Variants in ZMYND8 observed in about 807,000 individuals in gnomAD.
ZMYND8 encodes the protein MYND-type zinc finger-containing chromatin reader ZMYND8.
ZMYND8 carries 37 observed loss-of-function variants against 140.8 expected under a neutral mutation model. The observed-to-expected ratio is 0.26, with a 90% CI of 0.20 to 0.35. ZMYND8 has a LOEUF of 0.35. ZMYND8 is among the 10% of genes least tolerant of loss of function. The probability of loss-of-function intolerance (pLI) is 1.00; values close to 1 mark genes in which losing one functional copy is unlikely to be tolerated. For synonymous variants in ZMYND8, 592 were observed against 597.1 expected (o/e 0.99, Z 0.12); for missense variants, 1,068 against 1,570.0 (o/e 0.68, Z 5.40).
chr20:47,338,166 C>A (rs2081535472), intron 2 of ZMYND8, among the ~76,000 whole-genome samples: 1 of 152,088 alleles, frequency 6.6e-6, no homozygotes, highest in Admixed American at 6.6e-5. Context: ...TTGGTGGGTC[C>A]AGGTGTCCAG....
In ZMYND8 at chr20:47,220,304, G is replaced by C; in HGVS notation, c.3438C>G (p.Ser1146=). The C allele has an allele frequency of 6.4e-7, 1 of 1,563,158 alleles. No individual in the cohort carries two copies. Among genetic ancestry groups the C allele is most frequent in the Non-Finnish European group, 8.7e-7 (1 of 1,152,756 alleles). ...AGAGAATGGAGGAGGGCGTCTCTCT[G>C]GAGCCAGAAAGGTCAAGGGTCTAGA... ...ESGSTLDLSG[S]RETPSSILLG... The change falls in exon 21 of 23, where the codon TCC becomes TCG. Residue 1146 remains serine (S), a synonymous_variant. Coordinates refer to ENST00000471951, the MANE Select transcript of ZMYND8 (RefSeq NM_001281775.3).
chr20:47,287,848 A>ATGCACACT (rs1569104085), intron 7 of ZMYND8, among the ~76,000 whole-genome samples: 1 of 151,014 alleles, frequency 6.6e-6, no homozygotes, highest in African/African-American at 2.4e-5. Flanking sequence ...ACACACACAC[A>ATGCACACT]CACGCACACA....
Position 47,277,961 on chromosome 20 carries a change from G to A in ZMYND8, c.999-1166C>T, listed in dbSNP as rs115081125. Among the ~76,000 whole-genome samples, 905 of 151,948 alleles carry A rather than the reference G, an allele frequency of 6.0e-3. 9 individuals carry two copies. The highest frequency in any genetic ancestry group is 0.02 in the African/African-American group (822 of 41,430). ...GCTGGGATTATAGGTGTTAGCCACC[G>A]TGCCCAGTCTTTTTTGCTTGTTTTT... On this transcript the variant is annotated intron_variant, in intron 10 of 22. Transcript: ENST00000471951.
intron 9 of ZMYND8, 108 bp from the exon 10 acceptor site, chr20:47,282,325 G>A: frequency 1.1e-6 from 1 of 905,660 alleles, no homozygotes. Context: ...CAGGCCATGA[G>A]TGGAAAAAGA....
At position 47,224,574 on chromosome 20, in the gene ZMYND8, G is replaced by A. The variant is rs2037418680; in HGVS notation, c.3017-18C>T. Reference sequence around the variant, plus strand: ...GGTCAGCTCTGGTGGAGGAGGGGAAGAACACCGCTCATCACCTGACCCCAG... The same window carrying A: ...GGTCAGCTCTGGTGGAGGAGGGGAAAAACACCGCTCATCACCTGACCCCAG... On this transcript the variant is annotated intron_variant, in intron 18 of 22. Coordinates refer to ENST00000471951, the MANE Select transcript of ZMYND8 (RefSeq NM_001281775.3). The A allele has an allele frequency of 6.2e-7, 1 of 1,611,172 alleles. No homozygotes were observed. The highest frequency in any genetic ancestry group is 1.1e-5 in the South Asian group (1 of 91,064).
intron 2 of ZMYND8, among the ~76,000 whole-genome samples, chr20:47,335,630 G>A (rs1420161644): frequency 1.3e-5 from 2 of 152,156 alleles, no homozygotes; most frequent in Non-Finnish European, 2.9e-5. Context: ...TTTAAACTAA[G>A]CTTGAAACGG....
At chr20:47,338,380 T>C (rs911820825) in intron 2 of ZMYND8, among the ~76,000 whole-genome samples, 1 of 151,700 alleles carries the variant, frequency 6.6e-6, no homozygotes, top group Non-Finnish European at 1.5e-5. Flanking sequence ...CCGGGTCATG[T>C]CACAGGGGAA....
intron 2 of ZMYND8, among the ~76,000 whole-genome samples, chr20:47,328,666 C>G (rs1288768346): frequency 6.6e-6 from 1 of 151,964 alleles, no homozygotes; most frequent in African/African-American, 2.4e-5. Flanking sequence ...GTTTCACCAT[C>G]TTGGCCAGGC....
intron 8 of ZMYND8, among the ~76,000 whole-genome samples, chr20:47,284,918 AC>A (rs2076827948): frequency 6.6e-6 from 1 of 152,192 alleles, no homozygotes; most frequent in South Asian, 2.1e-4. Context: ...AAAAAGCAGC[AC>A]CCACCACAAA....
At chr20:47,260,227 TG>T (rs753104741) in intron 12 of ZMYND8, among the ~76,000 whole-genome samples, 8 of 152,054 alleles carry the variant, frequency 5.3e-5, no homozygotes, top group Non-Finnish European at 8.8e-5. Context: ...TGCCAGTGGG[TG>T]GGGAAGTGTT....
At position 47,282,394 on chromosome 20, in the gene ZMYND8, G is replaced by A. The variant is rs142350890; in HGVS notation, c.883-177C>T. Among the ~76,000 whole-genome samples the A allele has an allele frequency of 1.8e-4, 28 of 152,258 alleles. No individual in the cohort carries two copies. The East Asian group carries it at 5.4e-3, about 29-fold the overall frequency. On this transcript the variant is annotated intron_variant, in intron 9 of 22. Coordinates refer to ENST00000471951, the MANE Select transcript of ZMYND8 (RefSeq NM_001281775.3). ...TAAAAGGTATGTGGCCAAGACACCT[G>A]GACAAAACTGCAAATGGAGTTAAAT...
intron 2 of ZMYND8, among the ~76,000 whole-genome samples, chr20:47,337,034 CAAA>C (rs59318496): frequency 1.6e-5 from 2 of 122,572 alleles, no homozygotes; most frequent in Non-Finnish European, 3.7e-5. Flanking sequence ...ACACTCTTAT[CAAA>C]AAAAAAAAAA....
chr20:47,238,595 T>C (rs972846665), intron 15 of ZMYND8, 163 bp downstream of exon 15: 5 of 1,346,762 alleles, frequency 3.7e-6, no homozygotes, highest in Non-Finnish European at 5.0e-6. Context: ...AGCAAAACAA[T>C]TTTTAAAAAT....
intron 11 of ZMYND8, among the ~76,000 whole-genome samples, chr20:47,274,760 G>T (rs2076157313): frequency 6.6e-6 from 1 of 152,070 alleles, no homozygotes; most frequent in East Asian, 1.9e-4. Context: ...AAAGCCACAG[G>T]CTCTCTCTAC....
intron 21 of ZMYND8, among the ~76,000 whole-genome samples, chr20:47,217,779 C>A (rs1380368885): frequency 2.0e-5 from 3 of 152,154 alleles, no homozygotes; most frequent in African/African-American, 2.4e-5. Flanking sequence ...TTCAGTATCA[C>A]CAATAGCTGC....
chr20:47,324,620 G>C (rs1301152950), intron 2 of ZMYND8, among the ~76,000 whole-genome samples: 1 of 152,222 alleles, frequency 6.6e-6, no homozygotes, highest in Non-Finnish European at 1.5e-5. Flanking sequence ...AAGACCTGCA[G>C]TGCCCCTGGT....
chr20:47,221,228 A>G, intron 20 of ZMYND8, 86 bp downstream of exon 20: 1 of 1,537,070 alleles, frequency 6.5e-7, no homozygotes, highest in South Asian at 1.2e-5. Context: ...ACAACACGGA[A>G]CTTTCAGGGC....
chr20:47,306,829 A>AAAT (rs1251672875), intron 3 of ZMYND8, among the ~76,000 whole-genome samples: 27 of 152,322 alleles, frequency 1.8e-4, no homozygotes, highest in African/African-American at 6.0e-4. Flanking sequence ...GAGAATCTTC[A>AAAT]CATATGCCAA....
At chr20:47,212,496 G>A (rs2035428445) in intron 22 of ZMYND8, 146 bp downstream of exon 22, 1 of 880,680 alleles carries the variant, frequency 1.1e-6, no homozygotes, top group East Asian at 2.6e-5. Context: ...CAGCGAAGAA[G>A]AAACGTTGCA....
Sources: gnomAD v4.1 joint callset for allele counts (sites outside exome capture counted in the v4.1 genomes callset) on GRCh38, gnomAD v4.1.1 for gene constraint, MANE v1.5 for transcripts, NCBI Gene and HGNC (gene_info 2026-07-23, HGNC 2026-07-21) for gene names.